The following INVS variants were observed in gnomAD, a reference collection of about 807,000 sequenced individuals.
INVS encodes inversin.
A neutral mutation model predicts 108.8 loss-of-function variants in INVS; 86 were observed. The ratio of observed to expected loss-of-function variants is 0.79; its 90% CI spans 0.66 to 0.95. The LOEUF (loss-of-function observed/expected upper bound fraction) is 0.95, where lower values mean the gene tolerates loss of function less well. INVS is among the 40% of genes least tolerant of loss of function. INVS has a pLI of 0.00. For missense variants in INVS, 1,169 were observed against 1,297.4 expected (o/e 0.90, Z 1.52); for synonymous variants, 455 against 473.5 (o/e 0.96, Z 0.51).
intron 12 of INVS, among the ~76,000 whole-genome samples, chr9:100,275,327 A>G (rs1007156372): frequency 5.3e-5 from 8 of 152,212 alleles, no homozygotes; most frequent in African/African-American, 1.9e-4. Flanking sequence ...CATAAACTCC[A>G]GTTTATTGTG....
intron 1 of INVS, among the ~76,000 whole-genome samples, chr9:100,103,017 T>C (rs886519939): frequency 6.6e-6 from 1 of 152,214 alleles, no homozygotes; most frequent in South Asian, 2.1e-4. Flanking sequence ...CACGCCCAGC[T>C]AATTTTTGTA....
intron 3 of INVS, among the ~76,000 whole-genome samples, chr9:100,176,500 G>A (rs574646889): frequency 2.8e-4 from 42 of 152,088 alleles, no homozygotes; most frequent in African/African-American, 8.9e-4. Context: ...ATTTAGAGAC[G>A]GAGTCTCGCA....
intron 3 of INVS, among the ~76,000 whole-genome samples, chr9:100,167,335 C>A (rs1564141319): frequency 6.6e-6 from 1 of 152,020 alleles, no homozygotes; most frequent in Non-Finnish European, 1.5e-5. Flanking sequence ...GACCTTATTT[C>A]TAATCTTCCA....
chr9:100,226,217 T>C lies in INVS; in HGVS notation c.429T>C (p.Asp143=). The change falls in exon 4 of 17, where the codon GAT becomes GAC. Residue 143 remains aspartate (D), a synonymous_variant. Coordinates refer to ENST00000262457, the MANE Select transcript of INVS (RefSeq NM_014425.5). ...AGTTTATGGCACCAGGAGAAGTGGA[T>C]ACACAGGATAAAAACAAGGTAATGG... ...LLKFMAPGEV[D]TQDKNKQTAL... is the part of the protein sequence containing the mutation. The C allele has an allele frequency of 3.1e-6, 5 of 1,613,968 alleles. No homozygotes were observed. The highest frequency in any genetic ancestry group is 1.1e-5 in the South Asian group (1 of 91,024).
chr9:100,150,563 C>A (rs778983799), intron 3 of INVS, among the ~76,000 whole-genome samples: 5 of 152,170 alleles, frequency 3.3e-5, no homozygotes, highest in Non-Finnish European at 7.4e-5. Context: ...TTCATTTAAC[C>A]GTTTAAAAAT....
intron 2 of INVS, among the ~76,000 whole-genome samples, chr9:100,120,110 C>G (rs1827677309): frequency 6.6e-6 from 1 of 152,136 alleles, no homozygotes; most frequent in Non-Finnish European, 1.5e-5. Context: ...GACTTAGGTT[C>G]TAAAACATAT....
intron 3 of INVS, among the ~76,000 whole-genome samples, chr9:100,209,822 A>G (rs567727544): frequency 3.3e-5 from 5 of 151,984 alleles, no homozygotes; most frequent in African/African-American, 1.2e-4. Context: ...CAGAAGACTG[A>G]AAGGAAAAGC....
intron 3 of INVS, among the ~76,000 whole-genome samples, chr9:100,185,746 C>G (rs1830038979): frequency 6.6e-6 from 1 of 151,924 alleles, no homozygotes; most frequent in Non-Finnish European, 1.5e-5. Context: ...TTATATCACT[C>G]TGTATGCCTT....
chr9:100,177,182 C>CA (rs1251322121), intron 3 of INVS, among the ~76,000 whole-genome samples: 1 of 152,000 alleles, frequency 6.6e-6, no homozygotes, highest in Admixed American at 6.6e-5. Context: ...GGGTTTCAAG[C>CA]AAAAAACCGG....
intron 2 of INVS, among the ~76,000 whole-genome samples, chr9:100,119,605 C>A (rs1478407330): frequency 6.6e-6 from 1 of 152,140 alleles, no homozygotes; most frequent in Non-Finnish European, 1.5e-5. Context: ...CACCCAGGCT[C>A]GAGTGCAGTG....
intron 2 of INVS, among the ~76,000 whole-genome samples, chr9:100,114,610 GC>G (rs2118853375): frequency 6.6e-6 from 1 of 152,000 alleles, no homozygotes; most frequent in South Asian, 2.1e-4. Flanking sequence ...TTGCCATGTT[GC>G]CCAGGCTGGT....
intron 3 of INVS, among the ~76,000 whole-genome samples, chr9:100,127,128 T>C (rs78872688): frequency 6.6e-6 from 1 of 152,010 alleles, no homozygotes; most frequent in East Asian, 1.9e-4. Flanking sequence ...CCTGGGAGGT[T>C]GAGGCTGCAG....
chr9:100,290,231 T>C (rs1833570349), intron 13 of INVS, among the ~76,000 whole-genome samples: 1 of 152,174 alleles, frequency 6.6e-6, no homozygotes, highest in African/African-American at 2.4e-5. Context: ...CCATTTCTCT[T>C]TTCTTTCCAC....
chr9:100,168,139 G>T (rs1294627886), intron 3 of INVS, among the ~76,000 whole-genome samples: 1 of 152,142 alleles, frequency 6.6e-6, no homozygotes, highest in Non-Finnish European at 1.5e-5. Context: ...GAGAGCAGAG[G>T]CTGGAGCATT....
intron 2 of INVS, among the ~76,000 whole-genome samples, chr9:100,114,106 A>G (rs536731283): frequency 4.1e-4 from 63 of 152,302 alleles, no homozygotes; most frequent in Middle Eastern, 3.4e-3. Flanking sequence ...ACTAAAATTT[A>G]TTGAGGTATA....
At position 100,246,715 on chromosome 9, in the gene INVS, GA is replaced by G; in HGVS notation, c.1007del (p.Asp336ValfsTer7). The G allele has an allele frequency of 6.2e-7, 1 of 1,613,932 alleles. No homozygotes were observed. Among genetic ancestry groups the G allele is most frequent in the Non-Finnish European group, 8.5e-7 (1 of 1,179,826 alleles). On this transcript the variant is annotated frameshift_variant, in exon 8 of 17. Coordinates refer to ENST00000262457, the MANE Select transcript of INVS (RefSeq NM_014425.5). LOFTEE classifies it high-confidence loss of function. ...FMWAAGKGSD[D>X]VLRTMLSLKS... ...GTGGGCAGCTGGCAAAGGCAGTGAT[GA>G]TGTCCTTAGAACTATGCTGAGCTTA...
chr9:100,300,756 C>A lies in INVS; in HGVS notation c.*82C>A. Reference sequence around the variant, plus strand: ...GATTTTCTGCTGATAATCTTTTACACCTTGGGAAAACTTTAATATCCGTAC... The same window carrying A: ...GATTTTCTGCTGATAATCTTTTACAACTTGGGAAAACTTTAATATCCGTAC... On this transcript the variant is annotated 3_prime_UTR_variant, in exon 17 of 17. Transcript: ENST00000262457. 2.0e-6 allele frequency: 2 copies of A among 990,250 alleles called. No homozygotes were observed. Among genetic ancestry groups the A allele is most frequent in the Admixed American group, 3.7e-5 (2 of 54,424 alleles). The allele number at this position is 990,250 out of a possible 1,614,324, so 61.3% of individuals were successfully genotyped here.
chr9:100,261,665 C>T (rs563322110), intron 10 of INVS, among the ~76,000 whole-genome samples: 3 of 152,202 alleles, frequency 2.0e-5, no homozygotes, highest in Non-Finnish European at 4.4e-5. Flanking sequence ...GTTCTATTAG[C>T]TGCTATGTGT....
At chr9:100,184,925 A>G (rs1830009597) in intron 3 of INVS, among the ~76,000 whole-genome samples, 1 of 152,164 alleles carries the variant, frequency 6.6e-6, no homozygotes, top group African/African-American at 2.4e-5. Flanking sequence ...TTAATTTGTG[A>G]TCCTTTGCTA....
Sources: allele counts gnomAD v4.1 joint callset (sites outside exome capture counted in the v4.1 genomes callset), GRCh38; gene constraint gnomAD v4.1.1; transcripts MANE v1.5; gene names NCBI Gene and HGNC (gene_info 2026-07-23, HGNC 2026-07-21).